The following L2HGDH variants were observed in gnomAD, a reference collection of about 807,000 sequenced individuals.
L2HGDH encodes the protein L-2-hydroxyglutarate dehydrogenase, mitochondrial.
In L2HGDH, 34 loss-of-function variants were observed where a neutral mutation model predicts 51.5. That is an observed-to-expected ratio of 0.66 (90% CI 0.50 to 0.88). The LOEUF (loss-of-function observed/expected upper bound fraction) is 0.88, where lower values mean the gene tolerates loss of function less well. Among genes scored for constraint, L2HGDH ranks in the 40% least tolerant of loss-of-function variants. The pLI, the probability that L2HGDH is intolerant of heterozygous loss-of-function variation, is 0.00. For synonymous variants in L2HGDH, 198 were observed against 197.9 expected (o/e 1.00, Z -0.01); for missense variants, 558 against 571.9 (o/e 0.98, Z 0.25).
At chr14:50,260,212 G>C (rs1044130088) in intron 9 of L2HGDH, among the ~76,000 whole-genome samples, 3 of 151,430 alleles carry the variant, frequency 2.0e-5, no homozygotes, top group African/African-American at 7.3e-5. Flanking sequence ...AGTGCCAAGG[G>C]GAATATTTTT....
At chr14:50,291,929 C>T (rs565497241) in intron 4 of L2HGDH, among the ~76,000 whole-genome samples, 46 of 152,178 alleles carry the variant, frequency 3.0e-4, no homozygotes, top group African/African-American at 1.1e-3. Context: ...AATTTCTAGA[C>T]AAATTATTTA....
At position 50,256,080 on chromosome 14, in the gene L2HGDH, T is replaced by C. The variant is rs1313320388; in HGVS notation, c.1197-8827A>G. On this transcript the variant is annotated intron_variant, in intron 9 of 9. Coordinates refer to ENST00000267436, the MANE Select transcript of L2HGDH (RefSeq NM_024884.3). ...AAATACATACATTCATGAGAAGTCT[T>C]GTATTACATTATTGTCATATGTCAA... Among the ~76,000 whole-genome samples, 3 of 152,148 alleles carry C rather than the reference T, an allele frequency of 2.0e-5. 1 individual carries two copies. The highest frequency in any genetic ancestry group is 1.9e-4 in the East Asian group (1 of 5,202).
chr14:50,296,246 C>A (rs1007767621), intron 3 of L2HGDH, among the ~76,000 whole-genome samples: 1 of 151,380 alleles, frequency 6.6e-6, no homozygotes, highest in Non-Finnish European at 1.5e-5. Flanking sequence ...TGGTGGTGTG[C>A]ACCTGTAGTC....
intron 4 of L2HGDH, among the ~76,000 whole-genome samples, chr14:50,290,764 A>G (rs9888569): frequency 3.3e-5 from 5 of 152,164 alleles, no homozygotes; most frequent in African/African-American, 1.2e-4. Flanking sequence ...CCCGGGTTCA[A>G]GCAATTCTCC....
At chr14:50,282,189 C>T (rs1890310735) in intron 5 of L2HGDH, among the ~76,000 whole-genome samples, 1 of 152,122 alleles carries the variant, frequency 6.6e-6, no homozygotes, top group African/African-American at 2.4e-5. Flanking sequence ...GTACCGGCAT[C>T]TAGTGGACAG....
At position 50,296,313 on chromosome 14, in the gene L2HGDH, C is replaced by T. The variant is rs140932951; in HGVS notation, c.409-2067G>A. ...ACTTGAGCTCAGGAGGTCAAGGCTACAGAGAGCCGAGATTGCACCACTGCA... is the reference window on the plus strand; with the variant it reads ...ACTTGAGCTCAGGAGGTCAAGGCTATAGAGAGCCGAGATTGCACCACTGCA... On this transcript the variant is annotated intron_variant, in intron 3 of 9. Transcript: ENST00000267436. 2.2e-4 allele frequency among the ~76,000 whole-genome samples: 27 copies of T among 124,736 alleles called. No individual in the cohort carries two copies. In the East Asian group the frequency reaches 6.4e-3, roughly 30 times the overall value. The allele number at this position is 124,736 out of a possible 152,430, so 81.8% of individuals were successfully genotyped here.
In L2HGDH at chr14:50,312,063, C is replaced by G. The variant is rs766016839; in HGVS notation, c.88G>C (p.Ala30Pro). 6.3e-7 allele frequency: 1 copy of G among 1,596,616 alleles called. No individual in the cohort carries two copies. The highest frequency in any genetic ancestry group is 1.7e-5 in the Admixed American group (1 of 57,388). Residue 30 changes from alanine to proline, a missense_variant, in exon 1 of 10, where the codon GCG (alanine) becomes CCG (proline). Ala to Pro is a conservative substitution (Grantham distance 27). This residue lies in a region of L2HGDH where 194 missense variants were observed against 187.2 expected (regional missense o/e 1.04). Transcript: ENST00000267436. ...AGGSPGACGFASGRPRPLCGG... is the reference protein window; with the variant it reads ...AGGSPGACGFPSGRPRPLCGG... ...CACAGCGGTCTTGGCCTCCCAGACGCGAACCCGCACGCCCCAGGGGAGCCA... is the reference window on the plus strand; with the variant it reads ...CACAGCGGTCTTGGCCTCCCAGACGGGAACCCGCACGCCCCAGGGGAGCCA...
chr14:50,271,931 A>G (rs1049483396), intron 6 of L2HGDH, among the ~76,000 whole-genome samples: 1 of 152,210 alleles, frequency 6.6e-6, no homozygotes, highest in Non-Finnish European at 1.5e-5. Flanking sequence ...ACTTGAGGCC[A>G]GGAGTTCAAG....
At chr14:50,291,212 A>C (rs1055674939) in intron 4 of L2HGDH, among the ~76,000 whole-genome samples, 4 of 151,200 alleles carry the variant, frequency 2.6e-5, no homozygotes, top group Non-Finnish European at 5.9e-5. Context: ...AAAAAAAAAA[A>C]AAAAAAAAAA....
intron 9 of L2HGDH, among the ~76,000 whole-genome samples, chr14:50,262,482 G>T (rs1305295629): frequency 6.7e-6 from 1 of 149,994 alleles, no homozygotes; most frequent in African/African-American, 2.5e-5. Flanking sequence ...AATATTTCAG[G>T]CTATCACAAG....
intron 4 of L2HGDH, among the ~76,000 whole-genome samples, chr14:50,285,851 C>CT (rs1400011159): frequency 6.6e-6 from 1 of 152,196 alleles, no homozygotes; most frequent in East Asian, 1.9e-4. Flanking sequence ...GAAGGTGTCT[C>CT]TTCTTTTCTT....
chr14:50,290,630 T>C (rs1009846548), intron 4 of L2HGDH, among the ~76,000 whole-genome samples: 1 of 152,184 alleles, frequency 6.6e-6, no homozygotes, highest in Non-Finnish European at 1.5e-5. Context: ...TGCGGTTGTA[T>C]TTCAATAAAA....
Position 50,245,021 on chromosome 14 carries a change from AT to A in L2HGDH, c.*2036del. On this transcript the variant is annotated 3_prime_UTR_variant, in exon 10 of 10. Coordinates refer to ENST00000267436, the MANE Select transcript of L2HGDH (RefSeq NM_024884.3). ...TAAATTATAAGAATAATTTCGATAGATACCACAAAACACATATATACAGGAT... is the reference window on the plus strand; with the variant it reads ...TAAATTATAAGAATAATTTCGATAGAACCACAAAACACATATATACAGGAT... 1 of 985,714 alleles carries A rather than the reference AT, an allele frequency of 1.0e-6. No individual in the cohort carries two copies. 61.1% of individuals were successfully genotyped at this position (985,714 alleles called of 1,614,324 possible).
intron 9 of L2HGDH, among the ~76,000 whole-genome samples, 190 bp from the exon 10 acceptor site, chr14:50,247,443 C>T (rs1192616927): frequency 1.3e-5 from 2 of 152,164 alleles, no homozygotes; most frequent in African/African-American, 4.8e-5. Flanking sequence ...AGCTTAGAGC[C>T]TAAAACCTAT....
chr14:50,292,087 T>C (rs974309599), intron 4 of L2HGDH, among the ~76,000 whole-genome samples: 1 of 150,762 alleles, frequency 6.6e-6, no homozygotes, highest in African/African-American at 2.4e-5. Context: ...TACAAATTCT[T>C]TGTAGATAAT....
intron 1 of L2HGDH, among the ~76,000 whole-genome samples, chr14:50,311,627 A>C (rs2031193956): frequency 6.6e-6 from 1 of 152,200 alleles, no homozygotes; most frequent in Non-Finnish European, 1.5e-5. Context: ...CAGCTTATAA[A>C]GAGCATATTT....
At chr14:50,309,071 G>A (rs2030898853) in intron 1 of L2HGDH, among the ~76,000 whole-genome samples, 1 of 152,200 alleles carries the variant, frequency 6.6e-6, no homozygotes, top group African/African-American at 2.4e-5. Context: ...TGGGAGATAT[G>A]CAGTTGCTGG....
rs1887874901 is a variant in L2HGDH, at chr14:50,243,459, A to C, written c.*3599T>G. On this transcript the variant is annotated 3_prime_UTR_variant, in exon 10 of 10. Coordinates refer to ENST00000267436, the MANE Select transcript of L2HGDH (RefSeq NM_024884.3). ...ATAAAAGTTTTTATGGAACTAAAAA[A>C]TATGTTCTCTACAACACCAAGGCTC... The C allele has an allele frequency of 1.2e-6, 1 of 832,130 alleles. No individual in the cohort carries two copies. Among genetic ancestry groups the C allele is most frequent in the East Asian group, 1.2e-4 (1 of 8,090 alleles). 51.5% of individuals were successfully genotyped at this position (832,130 alleles called of 1,614,324 possible). A position where few individuals can be genotyped will look rare whatever the true frequency, so the allele number is the denominator to read the frequency against.
Position 50,243,067 on chromosome 14 carries a change from G to A in L2HGDH, c.*3991C>T. 9.1e-6 allele frequency: 9 copies of A among 985,396 alleles called. No individual in the cohort carries two copies. The highest frequency in any genetic ancestry group is 8.4e-6 in the Non-Finnish European group (7 of 829,946). The allele number at this position is 985,396 out of a possible 1,614,324, so 61.0% of individuals were successfully genotyped here. ...TTCTAAGAGTTAAGGTTATCCCACA[G>A]GCTACTAGGTAGATTTCCAAATGGC... On this transcript the variant is annotated 3_prime_UTR_variant, in exon 10 of 10. Transcript: ENST00000267436.
Sources: gnomAD v4.1 joint callset for allele counts (sites outside exome capture counted in the v4.1 genomes callset) on GRCh38, gnomAD v4.1.1 for gene constraint, gnomAD v4.1.1 regional missense constraint, MANE v1.5 for transcripts, NCBI Gene and HGNC (gene_info 2026-07-23, HGNC 2026-07-21) for gene names.